GRK5: variants seen among roughly 807,000 people sequenced by gnomAD.
GRK5 encodes the protein G protein-coupled receptor kinase 5, also known as g protein-coupled receptor kinase GRK5.
Under a neutral mutation model 78.4 loss-of-function variants are expected in GRK5, and 40 were observed. That is an observed-to-expected ratio of 0.51 (90% CI 0.40 to 0.66). The LOEUF (loss-of-function observed/expected upper bound fraction) is 0.66, where lower values mean the gene tolerates loss of function less well. Among genes scored for constraint, GRK5 ranks in the 30% least tolerant of loss-of-function variants. GRK5 has a pLI of 0.00. For missense variants in GRK5, 598 were observed against 759.9 expected, an observed-to-expected ratio of 0.79 and a Z score of 2.50; for synonymous variants, 289 against 296.8, an observed-to-expected ratio of 0.97 and a Z score of 0.27.
At chr10:119,322,535 C>T (rs1451201956) in intron 1 of GRK5, among the ~76,000 whole-genome samples, 1 of 152,180 alleles carries the variant, frequency 6.6e-6, no homozygotes, top group Non-Finnish European at 1.5e-5. Flanking sequence ...AGTATGTGCT[C>T]AACACATATT....
chr10:119,313,233 ATGG>A (rs1212338048), intron 1 of GRK5, among the ~76,000 whole-genome samples: 3 of 104,940 alleles, frequency 2.9e-5, no homozygotes, highest in South Asian at 3.4e-4. Context: ...GGTAGTGATG[ATGG>A]TGGTGGTAAT....
Position 119,452,934 on chromosome 10 carries a change from G to T in GRK5, c.1542+126G>T, listed in dbSNP as rs1853320470. ...GCATGGTTTCTGTTTTCTCCATGAA[G>T]GCAGCACACAAAAGCTGTCAGTGGC... On this transcript the variant is annotated intron_variant, in intron 14 of 15. Transcript: ENST00000392870. This position sits in a 1 kb window ranked among gnomAD's most constrained non-coding sequence, Gnocchi z 4.4. 8.3e-7 allele frequency: 1 copy of T among 1,209,354 alleles called. No individual in the cohort carries two copies. The highest frequency in any genetic ancestry group is 1.2e-6 in the Non-Finnish European group (1 of 843,134). 74.9% of individuals were successfully genotyped at this position (1,209,354 alleles called of 1,614,324 possible).
intron 1 of GRK5, among the ~76,000 whole-genome samples, chr10:119,261,397 C>G (rs1849396646): frequency 6.8e-6 from 1 of 147,092 alleles, no homozygotes; most frequent in Admixed American, 6.8e-5. Context: ...CGGGCAGAGA[C>G]GCTCCTCACT....
At chr10:119,436,608 C>G (rs772874702) in intron 8 of GRK5, 43 bp from the exon 9 acceptor site, 68 of 1,590,736 alleles carry the variant, frequency 4.3e-5, no homozygotes, top group Non-Finnish European at 5.7e-5. Flanking sequence ...AAGTGAGTGG[C>G]CATTGTCACA....
At chr10:119,293,583 C>T (rs1019190140) in intron 1 of GRK5, among the ~76,000 whole-genome samples, 8 of 152,288 alleles carry the variant, frequency 5.3e-5, no homozygotes, top group South Asian at 2.1e-4. Context: ...ATGTTGACTG[C>T]GGATTGCCAG....
chr10:119,378,474 C>T lies in GRK5; in HGVS notation c.149-2341C>T, dbSNP rs188995751. 5.7e-4 allele frequency among the ~76,000 whole-genome samples: 87 copies of T among 152,310 alleles called. 1 individual carries two copies. The East Asian group carries it at 0.016, about 28-fold the overall frequency. ...CTTCTTCAACATACGCTACTTAGACCGGGCGAATTCCTCCCAAAAAAACCT... is the reference window on the plus strand; with the variant it reads ...CTTCTTCAACATACGCTACTTAGACTGGGCGAATTCCTCCCAAAAAAACCT... On this transcript the variant is annotated intron_variant, in intron 2 of 15. Transcript: ENST00000392870. This position sits in a 1 kb window ranked among gnomAD's most constrained non-coding sequence, Gnocchi z 4.5.
At chr10:119,292,010 T>TCTTCTCCTCCTCTTCCTCCTTCTC (rs1849979614) in intron 1 of GRK5, among the ~76,000 whole-genome samples, 1 of 28,068 alleles carries the variant, frequency 3.6e-5, no homozygotes, top group Non-Finnish European at 7.1e-5. Context: ...TCTTCCTCCT[T>TCTTCTCCTCCTCTTCCTCCTTCTC]CTCCTCCTCT....
At chr10:119,403,465 A>G (rs1422978175) in intron 4 of GRK5, among the ~76,000 whole-genome samples, 1 of 152,106 alleles carries the variant, frequency 6.6e-6, no homozygotes, top group Non-Finnish European at 1.5e-5. Flanking sequence ...GCACCAGCCG[A>G]CTGGTTTCTT....
intron 1 of GRK5, among the ~76,000 whole-genome samples, chr10:119,276,182 A>G (rs1186540879): frequency 3.9e-5 from 6 of 152,068 alleles, no homozygotes. Context: ...TTAGTTACAT[A>G]TGTATACATG....
chr10:119,284,204 C>A (rs1174717350), intron 1 of GRK5, among the ~76,000 whole-genome samples: 6 of 152,144 alleles, frequency 3.9e-5, no homozygotes, highest in Admixed American at 3.9e-4. Flanking sequence ...AGAAAAAATT[C>A]TAGTAGCCAC....
intron 2 of GRK5, among the ~76,000 whole-genome samples, chr10:119,354,803 A>G (rs1427601593): frequency 1.3e-5 from 2 of 152,158 alleles, no homozygotes; most frequent in Admixed American, 1.3e-4. Flanking sequence ...TCAACCAAAC[A>G]TGGATTGAAA....
At chr10:119,427,189 A>ATCAGCATCACCGCCATCC (rs1852702233) in intron 6 of GRK5, among the ~76,000 whole-genome samples, 1 of 151,352 alleles carries the variant, frequency 6.6e-6, no homozygotes, top group Non-Finnish European at 1.5e-5. Context: ...CACCGCCATC[A>ATCAGCATCACCGCCATCC]TCAGTATCAC....
In GRK5 at chr10:119,379,906, C is replaced by T. The variant is rs1851685810; in HGVS notation, c.149-909C>T. Among the ~76,000 whole-genome samples the T allele has an allele frequency of 6.6e-6, 1 of 152,078 alleles. No homozygotes were observed. Among genetic ancestry groups the T allele is most frequent in the South Asian group, 2.1e-4 (1 of 4,788 alleles). ...TAACACAGCAAATTGTTGGCTAACA[C>T]CATGGTCTCTGGGCCTCTTGGTGGG... On this transcript the variant is annotated intron_variant, in intron 2 of 15. Transcript: ENST00000392870. The surrounding 1 kb of genome is among the most constrained non-coding windows in gnomAD (Gnocchi z 4.1).
intron 1 of GRK5, among the ~76,000 whole-genome samples, chr10:119,247,594 T>G (rs1331881273): frequency 6.6e-6 from 1 of 152,176 alleles, no homozygotes; most frequent in Non-Finnish European, 1.5e-5. Context: ...AAATCACTGG[T>G]GATGGTCAAA....
chr10:119,324,163 A>G (rs375995896), intron 1 of GRK5, among the ~76,000 whole-genome samples: 1 of 152,318 alleles, frequency 6.6e-6, no homozygotes, highest in African/African-American at 2.4e-5. Flanking sequence ...TCTTGTATTC[A>G]GGGCACCCAA....
intron 1 of GRK5, among the ~76,000 whole-genome samples, chr10:119,232,842 G>A (rs570897189): frequency 1.1e-4 from 17 of 152,290 alleles, no homozygotes; most frequent in Non-Finnish European, 1.8e-4. Context: ...TAATACACTA[G>A]CACAAATAAA....
chr10:119,394,771 G>A (rs113037871), intron 3 of GRK5, among the ~76,000 whole-genome samples: 5,231 of 123,536 alleles, frequency 0.042, 348 homozygotes, highest in East Asian at 0.21. Flanking sequence ...GTGTATCTGT[G>A]TGTGTGTGGG....
intron 13 of GRK5, among the ~76,000 whole-genome samples, chr10:119,450,886 C>T (rs1020618110): frequency 2.0e-5 from 3 of 152,020 alleles, no homozygotes; most frequent in Non-Finnish European, 4.4e-5. Context: ...AGTGCGAAGC[C>T]GCTGTGAGCT....
intron 6 of GRK5, among the ~76,000 whole-genome samples, chr10:119,425,547 AG>A (rs1852661977): frequency 6.6e-6 from 1 of 152,198 alleles, no homozygotes; most frequent in Admixed American, 6.5e-5. Context: ...TTCCTAGCAG[AG>A]GAATTTCTGG....
Sources: allele counts gnomAD v4.1 joint callset (sites outside exome capture counted in the v4.1 genomes callset), GRCh38; gene constraint gnomAD v4.1.1; non-coding constraint Gnocchi (gnomAD v3.1); transcripts MANE v1.5; gene names NCBI Gene and HGNC (gene_info 2026-07-23, HGNC 2026-07-21).